Variants in VPS50 observed in about 807,000 individuals in gnomAD.
VPS50 encodes VPS50 subunit of EARP/GARPII complex.
In VPS50, 70 loss-of-function variants were observed where a neutral mutation model predicts 139.7. The ratio of observed to expected loss-of-function variants is 0.50; its 90% CI spans 0.41 to 0.61. The LOEUF (loss-of-function observed/expected upper bound fraction) is 0.61. VPS50 is among the 20% of genes least tolerant of loss of function. The probability of loss-of-function intolerance (pLI) is 0.00; values close to 1 mark genes in which losing one functional copy is unlikely to be tolerated. For missense variants in VPS50, 921 were observed against 1,133.7 expected (o/e 0.81, Z 2.69); for synonymous variants, 365 against 376.7 (o/e 0.97, Z 0.36).
intron 23 of VPS50, among the ~76,000 whole-genome samples, chr7:93,342,870 C>A (rs1387382831): frequency 6.6e-6 from 1 of 152,112 alleles, no homozygotes; most frequent in Non-Finnish European, 1.5e-5. Context: ...GATAAAACCA[C>A]AAAGATGGGG....
intron 18 of VPS50, among the ~76,000 whole-genome samples, chr7:93,307,661 C>A: frequency 6.6e-6 from 1 of 151,978 alleles, no homozygotes. Context: ...ATCTATGATA[C>A]GGTGTGGTCA....
At position 93,345,011 on chromosome 7, in the gene VPS50, A is replaced by G. The variant is rs564821265; in HGVS notation, c.2207+3436A>G. Among the ~76,000 whole-genome samples the G allele has an allele frequency of 7.9e-5, 12 of 152,318 alleles. No individual in the cohort carries two copies. The East Asian group carries it at 2.1e-3, about 27-fold the overall frequency. ...AACTGAAGGAAATAGAGACACAAAA[A>G]ACCCTTCACAAAATTAACGAATCCA... On this transcript the variant is annotated intron_variant, in intron 23 of 27. Transcript: ENST00000305866.
intron 4 of VPS50, among the ~76,000 whole-genome samples, chr7:93,254,389 C>T (rs1209478046): frequency 6.6e-6 from 1 of 152,226 alleles, no homozygotes; most frequent in Non-Finnish European, 1.5e-5. Flanking sequence ...CTCACCTCAG[C>T]CTCCTGAGTA....
chr7:93,261,677 CAA>C (rs71107890), intron 9 of VPS50, among the ~76,000 whole-genome samples: 967 of 62,114 alleles, frequency 0.016, 6 homozygotes, highest in African/African-American at 0.054. Context: ...GACTCCGTCT[CAA>C]AAAAAAAAAA....
chr7:93,357,228 G>A (rs1276089818), intron 27 of VPS50, among the ~76,000 whole-genome samples: 2 of 152,170 alleles, frequency 1.3e-5, no homozygotes, highest in Non-Finnish European at 2.9e-5. Flanking sequence ...AGCCAAGGAG[G>A]AAAGGCACAG....
chr7:93,329,270 C>T (rs994394742), intron 21 of VPS50, among the ~76,000 whole-genome samples: 2 of 151,566 alleles, frequency 1.3e-5, no homozygotes, highest in African/African-American at 2.4e-5. Context: ...AATAAAAAAC[C>T]AAAGGGAAAT....
rs1795607940 is a variant in VPS50, at chr7:93,259,690, T to A, written c.659+58T>A. Reference sequence around the variant, plus strand: ...TGTTGTCAGCTTCTTATGTAGCAGCTGTGTAAAAATGTTAATAAACATTGA... The same window carrying A: ...TGTTGTCAGCTTCTTATGTAGCAGCAGTGTAAAAATGTTAATAAACATTGA... On this transcript the variant is annotated intron_variant, in intron 9 of 27. Coordinates refer to ENST00000305866, the MANE Select transcript of VPS50 (RefSeq NM_017667.4). The A allele has an allele frequency of 3.5e-6, 3 of 847,360 alleles. No individual in the cohort carries two copies. The South Asian group carries it at 4.3e-5, about 12-fold the overall frequency. The allele number at this position is 847,360 out of a possible 1,614,324, so 52.5% of individuals were successfully genotyped here.
intron 18 of VPS50, among the ~76,000 whole-genome samples, chr7:93,307,312 C>G (rs975249124): frequency 1.3e-5 from 2 of 151,910 alleles, no homozygotes; most frequent in Non-Finnish European, 2.9e-5. Context: ...ACATCACAGC[C>G]TTCTTGTACT....
At chr7:93,286,589 C>T (rs962839767) in intron 12 of VPS50, among the ~76,000 whole-genome samples, 8 of 152,126 alleles carry the variant, frequency 5.3e-5, no homozygotes, top group Non-Finnish European at 1.2e-4. Context: ...ATTTAGGTCT[C>T]TTTCCATTAT....
chr7:93,344,574 C>G (rs1344048885), intron 23 of VPS50, among the ~76,000 whole-genome samples: 3 of 152,048 alleles, frequency 2.0e-5, no homozygotes, highest in Non-Finnish European at 2.9e-5. Context: ...TGACCACATA[C>G]TTGGAAGTAA....
chr7:93,331,825 T>G (rs1324554787), intron 21 of VPS50, among the ~76,000 whole-genome samples: 1 of 152,090 alleles, frequency 6.6e-6, no homozygotes, highest in Non-Finnish European at 1.5e-5. Flanking sequence ...CAAACCATAT[T>G]GAGAAAGGGC....
chr7:93,354,773 GA>G (rs1354151292), intron 26 of VPS50, among the ~76,000 whole-genome samples: 2 of 151,986 alleles, frequency 1.3e-5, no homozygotes, highest in Non-Finnish European at 2.9e-5. Flanking sequence ...TAACATCTAG[GA>G]TACAAATAAG....
intron 12 of VPS50, among the ~76,000 whole-genome samples, chr7:93,285,717 C>A (rs944294937): frequency 2.0e-5 from 3 of 152,032 alleles, no homozygotes; most frequent in African/African-American, 4.8e-5. Context: ...ATGGAAGGTG[C>A]CAAGTGTTAC....
intron 20 of VPS50, among the ~76,000 whole-genome samples, chr7:93,316,641 G>C (rs1257851978): frequency 6.6e-6 from 1 of 152,186 alleles, no homozygotes; most frequent in Non-Finnish European, 1.5e-5. Flanking sequence ...AAATGAAAAA[G>C]GGAAGATGAG....
intron 2 of VPS50, among the ~76,000 whole-genome samples, chr7:93,247,329 CA>C (rs1383253373): frequency 1.3e-5 from 2 of 151,922 alleles, no homozygotes; most frequent in African/African-American, 4.8e-5. Flanking sequence ...TGAATTTAAA[CA>C]AATCTCAGTT....
chr7:93,317,335 AGGT>A (rs897371634), intron 20 of VPS50, among the ~76,000 whole-genome samples: 1 of 152,124 alleles, frequency 6.6e-6, no homozygotes, highest in Non-Finnish European at 1.5e-5. Flanking sequence ...GGATCACTTA[AGGT>A]CAGGAGTTCA....
chr7:93,320,717 A>G (rs1797589538), intron 20 of VPS50: 1 of 152,216 alleles, frequency 6.6e-6, no homozygotes, highest in African/African-American at 2.4e-5. Context: ...TTTTATGGGT[A>G]AATTCTAGCA....
chr7:93,268,909 A>C (rs566507043), intron 9 of VPS50, among the ~76,000 whole-genome samples: 1 of 152,322 alleles, frequency 6.6e-6, no homozygotes, highest in African/African-American at 2.4e-5. Flanking sequence ...AATTGAGAAA[A>C]GATAATCACA....
intron 22 of VPS50, among the ~76,000 whole-genome samples, chr7:93,340,377 C>T (rs562552712): frequency 4.6e-5 from 7 of 152,276 alleles, no homozygotes; most frequent in South Asian, 4.1e-4. Context: ...TCAGCTACTC[C>T]GAGTAGCCAG....
Sources: gnomAD v4.1 joint callset for allele counts (sites outside exome capture counted in the v4.1 genomes callset) on GRCh38, gnomAD v4.1.1 for gene constraint, MANE v1.5 for transcripts, NCBI Gene and HGNC (gene_info 2026-07-23, HGNC 2026-07-21) for gene names.